CNTN5: variants seen among roughly 807,000 people sequenced by gnomAD.
The protein encoded by CNTN5 is contactin-5.
A neutral mutation model predicts 129.1 loss-of-function variants in CNTN5; 77 were observed. That is an observed-to-expected ratio of 0.60 (90% confidence interval 0.50 to 0.72). CNTN5 has a LOEUF of 0.72. Ranked by LOEUF, CNTN5 falls within the 30% of genes least tolerant of loss-of-function variation. The pLI, the probability that CNTN5 is intolerant of heterozygous loss-of-function variation, is 0.00. For missense variants in CNTN5, 1,478 were observed against 1,328.8 expected (o/e 1.11, Z -1.75); for synonymous variants, 509 against 465.6 (o/e 1.09, Z -1.20).
At chr11:99,144,257 ATAGTC>A (rs1413515265) in intron 1 of CNTN5, among the ~76,000 whole-genome samples, 3 of 152,198 alleles carry the variant, frequency 2.0e-5, no homozygotes, top group African/African-American at 7.2e-5. Flanking sequence ...AGTCTCATCT[ATAGTC>A]TAGGGAAAAA....
chr11:99,320,808 C>T (rs1865536786), intron 1 of CNTN5, among the ~76,000 whole-genome samples: 1 of 151,990 alleles, frequency 6.6e-6, no homozygotes, highest in Non-Finnish European at 1.5e-5. Context: ...CCATGGGCTC[C>T]CCAGACATTG....
chr11:99,924,674 G>T (rs1950020706), intron 7 of CNTN5, among the ~76,000 whole-genome samples: 1 of 150,760 alleles, frequency 6.6e-6, no homozygotes. Context: ...CTTTTTCTGT[G>T]GTTTATTTGC....
intron 3 of CNTN5, among the ~76,000 whole-genome samples, chr11:99,654,903 GTTTAA>G (rs2135894020): frequency 1.3e-5 from 2 of 151,862 alleles, no homozygotes; most frequent in African/African-American, 4.8e-5. Context: ...AGAAAAAAAG[GTTTAA>G]TCTTAGTGTC....
At chr11:100,082,535 T>A (rs558910140) in intron 13 of CNTN5, among the ~76,000 whole-genome samples, 59 of 152,206 alleles carry the variant, frequency 3.9e-4, no homozygotes, top group Admixed American at 7.9e-4. Context: ...TAAGCACTCC[T>A]CCCAGCTTGA....
intron 3 of CNTN5, among the ~76,000 whole-genome samples, chr11:99,787,426 T>C (rs1351254301): frequency 1.3e-5 from 2 of 151,534 alleles, no homozygotes; most frequent in Non-Finnish European, 2.9e-5. Flanking sequence ...ACTTATAAGG[T>C]ATAATATTAA....
At chr11:99,046,912 C>T (rs765554458) in intron 1 of CNTN5, among the ~76,000 whole-genome samples, 21 of 151,820 alleles carry the variant, frequency 1.4e-4, no homozygotes, top group Non-Finnish European at 2.5e-4. Flanking sequence ...GACGAAGTCC[C>T]TTATTTTATC....
intron 6 of CNTN5, among the ~76,000 whole-genome samples, chr11:99,875,959 ACT>A (rs1398495502): frequency 1.3e-5 from 2 of 152,082 alleles, no homozygotes; most frequent in African/African-American, 2.4e-5. Flanking sequence ...TTTAATTAAC[ACT>A]CTAACCCTGG....
chr11:99,253,694 C>T (rs1565440282), intron 1 of CNTN5, among the ~76,000 whole-genome samples: 1 of 151,386 alleles, frequency 6.6e-6, no homozygotes. Flanking sequence ...TAGCATTATC[C>T]CTCGTTGCTG....
intron 1 of CNTN5, among the ~76,000 whole-genome samples, chr11:99,318,807 C>G (rs1865448967): frequency 6.6e-6 from 1 of 152,064 alleles, no homozygotes. Context: ...GGTGATCCAC[C>G]TGGTATCATT....
intron 3 of CNTN5, among the ~76,000 whole-genome samples, chr11:99,795,531 T>C (rs1945901853): frequency 6.6e-6 from 1 of 152,212 alleles, no homozygotes; most frequent in African/African-American, 2.4e-5. Flanking sequence ...GTGCTGGTTG[T>C]TTCTTATCTA....
At chr11:99,843,197 CAG>C (rs1247395124) in intron 4 of CNTN5, among the ~76,000 whole-genome samples, 1 of 152,138 alleles carries the variant, frequency 6.6e-6, no homozygotes, top group Non-Finnish European at 1.5e-5. Flanking sequence ...GCTCTCTAGA[CAG>C]AGTGGGAGTG....
chr11:100,111,244 T>C (rs533320422), intron 13 of CNTN5, among the ~76,000 whole-genome samples: 4 of 152,188 alleles, frequency 2.6e-5, no homozygotes, highest in Non-Finnish European at 5.9e-5. Context: ...TGTATAGATA[T>C]TGTTTTAAAA....
intron 8 of CNTN5, 41 bp from the exon 9 acceptor site, chr11:100,001,993 A>T: frequency 7.6e-7 from 1 of 1,322,038 alleles, no homozygotes; most frequent in Non-Finnish European, 1.0e-6. Flanking sequence ...AACAAATTGT[A>T]ACATTCATTT....
intron 3 of CNTN5, among the ~76,000 whole-genome samples, chr11:99,663,803 G>A (rs950168461): frequency 1.3e-5 from 2 of 152,174 alleles, no homozygotes; most frequent in African/African-American, 4.8e-5. Context: ...GCAAAAGTGT[G>A]AGTCAATTAA....
At chr11:99,399,199 A>T (rs938305423) in intron 2 of CNTN5, among the ~76,000 whole-genome samples, 1 of 151,674 alleles carries the variant, frequency 6.6e-6, no homozygotes, top group Non-Finnish European at 1.5e-5. Flanking sequence ...GATATAATAC[A>T]TATACTTATT....
At chr11:100,305,128 C>G (rs1951318037) in intron 20 of CNTN5, among the ~76,000 whole-genome samples, 1 of 151,448 alleles carries the variant, frequency 6.6e-6, no homozygotes, top group African/African-American at 2.4e-5. Context: ...TTTCTTTATG[C>G]CAATTTAAAA....
intron 13 of CNTN5, among the ~76,000 whole-genome samples, chr11:100,139,526 C>A (rs961395745): frequency 6.6e-6 from 1 of 152,012 alleles, no homozygotes; most frequent in Non-Finnish European, 1.5e-5. Flanking sequence ...GGAGCAGGCG[C>A]AGTAAGCCAG....
intron 2 of CNTN5, among the ~76,000 whole-genome samples, chr11:99,537,760 T>C (rs749038543): frequency 3.7e-4 from 56 of 152,124 alleles, no homozygotes; most frequent in Non-Finnish European, 6.6e-4. Context: ...ATTTAGACTA[T>C]AGTGGCATGT....
At chr11:99,413,949 C>G (rs894022323) in intron 2 of CNTN5, among the ~76,000 whole-genome samples, 3 of 151,770 alleles carry the variant, frequency 2.0e-5, no homozygotes, top group Non-Finnish European at 4.4e-5. Context: ...TTTCACAAAT[C>G]TACTTATGGC....
Sources: allele counts gnomAD v4.1 joint callset (sites outside exome capture counted in the v4.1 genomes callset), GRCh38; gene constraint gnomAD v4.1.1; transcripts MANE v1.5; gene names NCBI Gene and HGNC (gene_info 2026-07-23, HGNC 2026-07-21).